The following NT5M variants were observed in gnomAD, a reference collection of about 807,000 sequenced individuals.
NT5M encodes the protein 5',3'-nucleotidase, mitochondrial.
A neutral mutation model predicts 22.2 loss-of-function variants in NT5M; 22 were observed. The observed-to-expected ratio is 0.99, with a 90% CI of 0.71 to 1.41. The LOEUF is 1.41. Ranked by LOEUF, NT5M falls within the 40% of genes most tolerant of loss-of-function variation. The pLI is 0.00. For missense variants in NT5M, 322 were observed against 314.8 expected (o/e 1.02, Z -0.17); for synonymous variants, 167 against 133.0 (o/e 1.26, Z -1.76).
In NT5M at chr17:17,327,798, A is replaced by G. The variant is rs189511443; in HGVS notation, c.429+4553A>G. 2.4e-3 allele frequency among the ~76,000 whole-genome samples: 254 copies of G among 105,756 alleles called. 90 individuals carry two copies. Among genetic ancestry groups the G allele is most frequent in the Non-Finnish European group, 3.4e-3 (166 of 48,488 alleles). The allele number at this position is 105,756 out of a possible 152,430, so 69.4% of individuals were successfully genotyped here. On this transcript the variant is annotated intron_variant, in intron 3 of 4. Transcript: ENST00000389022. ...CCCAAATGCTGGGATTACAGGCGTG[A>G]GCCACCACGCCCGGCCAATTTTTTT...
intron 3 of NT5M, among the ~76,000 whole-genome samples, chr17:17,342,596 C>T (rs1012205702): frequency 6.6e-6 from 1 of 152,200 alleles, no homozygotes; most frequent in Admixed American, 6.5e-5. Flanking sequence ...CCAGATGTTC[C>T]ATGTTCCAGC....
chr17:17,326,723 G>C (rs2049275417), intron 3 of NT5M, among the ~76,000 whole-genome samples: 2 of 152,106 alleles, frequency 1.3e-5, no homozygotes. Flanking sequence ...GTCCTAAAAG[G>C]CTGCAGTTGG....
intron 2 of NT5M, among the ~76,000 whole-genome samples, chr17:17,322,442 C>T (rs1305462206): frequency 1.3e-5 from 2 of 152,054 alleles, no homozygotes; most frequent in Non-Finnish European, 1.5e-5. Flanking sequence ...GAGGGGATTG[C>T]GTGGTTGGTG....
intron 2 of NT5M, among the ~76,000 whole-genome samples, chr17:17,315,059 C>T (rs2145343020): frequency 6.6e-6 from 1 of 152,228 alleles, no homozygotes; most frequent in African/African-American, 2.4e-5. Context: ...TGATGCCTGG[C>T]ACATCACACA....
Position 17,346,938 on chromosome 17 carries a change from GC to G in NT5M, c.681del (p.Cys228AlafsTer14). On this transcript the variant is annotated frameshift_variant, in exon 5 of 5. Coordinates refer to ENST00000389022, the MANE Select transcript of NT5M (RefSeq NM_020201.4). LOFTEE classifies it high-confidence loss of function. ...DWKAILDSKR[P>X]C ...GGAAGGCCATTCTGGACAGCAAGCG[GC>G]CCTGCTGAGCTGGACTGTGCTTCGG... is the stretch of plus-strand genomic sequence containing the variant. 1 of 1,611,030 alleles carries G rather than the reference GC, an allele frequency of 6.2e-7. No individual in the cohort carries two copies.
At chr17:17,316,776 C>T (rs1400517698) in intron 2 of NT5M, among the ~76,000 whole-genome samples, 7 of 149,618 alleles carry the variant, frequency 4.7e-5, no homozygotes, top group Admixed American at 4.0e-4. Context: ...AATGCAGTGG[C>T]GCAATCTCAG....
At chr17:17,312,929 C>T (rs959210111) in intron 2 of NT5M, among the ~76,000 whole-genome samples, 2 of 151,962 alleles carry the variant, frequency 1.3e-5, no homozygotes, top group Non-Finnish European at 1.5e-5. Context: ...GCTATGATCA[C>T]GCCATGTACT....
intron 2 of NT5M, among the ~76,000 whole-genome samples, chr17:17,307,717 G>A (rs9907857): frequency 0.77 from 116,502 of 151,722 alleles, 45,262 homozygotes; most frequent in Non-Finnish European, 0.83. Flanking sequence ...TTAGCTGGGC[G>A]TGGCGGCATG....
intron 3 of NT5M, among the ~76,000 whole-genome samples, chr17:17,343,669 C>T (rs1356399569): frequency 6.6e-6 from 1 of 152,138 alleles, no homozygotes; most frequent in Non-Finnish European, 1.5e-5. Context: ...CCCTGAGCTC[C>T]CTGTGCAGCC....
chr17:17,345,300 T>A (rs1182592386), intron 4 of NT5M: 1 of 1,007,744 alleles, frequency 9.9e-7, no homozygotes, highest in African/African-American at 1.7e-5. Context: ...AGAGCAGAGC[T>A]CCTGCAGGGA....
Position 17,344,851 on chromosome 17 carries a change from A to C in NT5M, c.487A>C (p.Arg163=). 1 of 1,614,224 alleles carries C rather than the reference A, an allele frequency of 6.2e-7. No homozygotes were observed. The highest frequency in any genetic ancestry group is 8.5e-7 in the Non-Finnish European group (1 of 1,180,026). ...CTTTCTGGAGCAGATTGTGCTGACC[A>C]GAGACAAGACCGTGGTCTCTGCTGA... The part of the protein sequence containing the change: ...PDFLEQIVLT[R]DKTVVSADLL... The change falls in exon 4 of 5, where the codon AGA becomes CGA. Residue 163 remains arginine (R), a synonymous_variant. Coordinates refer to ENST00000389022, the MANE Select transcript of NT5M (RefSeq NM_020201.4).
chr17:17,318,914 A>G (rs1285833775), intron 2 of NT5M, among the ~76,000 whole-genome samples: 2 of 151,320 alleles, frequency 1.3e-5, no homozygotes, highest in African/African-American at 4.9e-5. Flanking sequence ...GATTCTATTT[A>G]TGTGAAATAT....
intron 4 of NT5M, among the ~76,000 whole-genome samples, chr17:17,346,581 G>T (rs1567904361): frequency 6.6e-6 from 1 of 152,246 alleles, no homozygotes; most frequent in East Asian, 1.9e-4. Context: ...CCCGCAGTCA[G>T]TCCCTGTTGA....
At position 17,347,239 on chromosome 17, in the gene NT5M, T is replaced by C; in HGVS notation, c.*292T>C. 1 of 425,354 alleles carries C rather than the reference T, an allele frequency of 2.4e-6. No individual in the cohort carries two copies. The highest frequency in any genetic ancestry group is 4.2e-6 in the Non-Finnish European group (1 of 237,234). The allele number at this position is 425,354 out of a possible 1,614,324, so 26.3% of individuals were successfully genotyped here. ...CCCAGGGGCTCAGGACAGGGAGGAG[T>C]TGAGGCCACTGTTCAGGGGGCTGGT... On this transcript the variant is annotated 3_prime_UTR_variant, in exon 5 of 5. Coordinates refer to ENST00000389022, the MANE Select transcript of NT5M (RefSeq NM_020201.4).
rs1555632218 is a variant in NT5M at position 17,345,654 on chromosome 17, C to CACACAA, written c.544+747_544+748insCACAAA. On this transcript the variant is annotated intron_variant, in intron 4 of 4. Transcript: ENST00000389022. Reference sequence around the variant, plus strand: ...CTCTACAAAAAAAAAAAAAAAAACACAAAAAAATTAGCTGATCATCATGGC... The same window carrying CACACAA: ...CTCTACAAAAAAAAAAAAAAAAACACACACAAAAAAAAATTAGCTGATCATCATGGC... Among the ~76,000 whole-genome samples, 255 of 145,722 alleles carry CACACAA rather than the reference C, an allele frequency of 1.7e-3. 6 individuals carry two copies. The South Asian group carries it at 0.043, about 24-fold the overall frequency.
chr17:17,323,355 C>G, intron 3 of NT5M, 110 bp downstream of exon 3: 1 of 899,734 alleles, frequency 1.1e-6, no homozygotes, highest in East Asian at 2.4e-5. Context: ...CACTCCCCCA[C>G]CTCTGTGACA....
intron 2 of NT5M, among the ~76,000 whole-genome samples, chr17:17,321,669 C>T (rs890593396): frequency 1.3e-5 from 2 of 151,864 alleles, no homozygotes; most frequent in Non-Finnish European, 2.9e-5. Context: ...TCTTCTCCGG[C>T]AACATTTAGT....
intron 3 of NT5M, among the ~76,000 whole-genome samples, chr17:17,334,624 C>T (rs542414398): frequency 3.8e-4 from 57 of 151,700 alleles, no homozygotes; most frequent in African/African-American, 1.2e-3. Context: ...TACAGGCACG[C>T]GCCACCACAC....
chr17:17,337,482 G>A (rs772920076), intron 3 of NT5M, among the ~76,000 whole-genome samples: 6 of 150,738 alleles, frequency 4.0e-5, no homozygotes, highest in Non-Finnish European at 7.4e-5. Flanking sequence ...ATGGCTCACT[G>A]CAGCCTTGAC....
Sources: allele counts gnomAD v4.1 joint callset (sites outside exome capture counted in the v4.1 genomes callset), GRCh38; gene constraint gnomAD v4.1.1; transcripts MANE v1.5; gene names NCBI Gene and HGNC (gene_info 2026-07-23, HGNC 2026-07-21).